Variants in DZIP1L observed in about 807,000 individuals in gnomAD.
The protein encoded by DZIP1L is cilium assembly protein DZIP1L.
DZIP1L carries 90 observed loss-of-function variants against 88.7 expected under a neutral mutation model. The observed-to-expected ratio is 1.02, with a 90% confidence interval of 0.86 to 1.21. The LOEUF is 1.21. Among genes scored for constraint, DZIP1L ranks in the 50% most tolerant of loss-of-function variants. The pLI is 0.00. For missense variants in DZIP1L, 932 were observed against 955.8 expected (o/e 0.98, Z 0.33); for synonymous variants, 363 against 372.1 (o/e 0.98, Z 0.28).
chr3:138,088,865 G>A (rs1944074052), intron 5 of DZIP1L: 1 of 991,468 alleles, frequency 1.0e-6, no homozygotes, highest in Non-Finnish European at 1.2e-6. Flanking sequence ...AGAGCCTATG[G>A]GAGGGTCTCA....
rs768328003 is a variant in DZIP1L at position 138,103,968 on chromosome 3, G to A, written c.4C>T (p.Gln2Ter). The change falls in exon 2 of 16, where the codon CAG (glutamine) becomes TAG (stop). Residue 2 changes from glutamine (Q) to a stop codon, truncating the protein, a stop_gained. Transcript: ENST00000327532. LOFTEE classifies it high-confidence loss of function. M[Q>*]SPAATAEGLS... is the part of the protein sequence containing the mutation. ...CCCTCAGCAGTGGCAGCTGGGGACT[G>A]CATGGGCAGAGGAAGCCCTGAGCTG... The A allele has an allele frequency of 2.1e-5, 33 of 1,609,382 alleles. No homozygotes were observed. Among genetic ancestry groups the A allele is most frequent in the African/African-American group, 2.7e-5 (2 of 74,904 alleles).
At chr3:138,108,039 A>G (rs1325224055) in intron 1 of DZIP1L, among the ~76,000 whole-genome samples, 3 of 152,216 alleles carry the variant, frequency 2.0e-5, no homozygotes, top group African/African-American at 7.2e-5. Context: ...GAAACAGTGC[A>G]GTGGCGCGAT....
chr3:138,086,051 G>A (rs1035325570), intron 7 of DZIP1L, among the ~76,000 whole-genome samples: 2 of 150,678 alleles, frequency 1.3e-5, no homozygotes, highest in Non-Finnish European at 3.0e-5. Context: ...GTTGGGAATT[G>A]AACAATGAGA....
chr3:138,074,169 A>G (rs2724704), intron 11 of DZIP1L, among the ~76,000 whole-genome samples: 100,798 of 152,014 alleles, frequency 0.66, 33,732 homozygotes, highest in Non-Finnish European at 0.7. Flanking sequence ...CCCCAGCCTT[A>G]CTAGAGACCT....
At chr3:138,108,819 G>A (rs2042564621) in intron 1 of DZIP1L, among the ~76,000 whole-genome samples, 1 of 152,196 alleles carries the variant, frequency 6.6e-6, no homozygotes, top group Non-Finnish European at 1.5e-5. Flanking sequence ...GTACATGTGT[G>A]ATGATAAATG....
chr3:138,084,061 G>T, intron 8 of DZIP1L, 52 bp downstream of exon 8: 1 of 1,593,634 alleles, frequency 6.3e-7, no homozygotes, highest in Non-Finnish European at 8.5e-7. Context: ...GATCCTCACA[G>T]GAAAGAGGCC....
At position 138,064,628 on chromosome 3, in the gene DZIP1L, C is replaced by T; in HGVS notation, c.2142G>A (p.Gln714=). ...AAACTCTAAGCATCCTACATCCTAC[C>T]TGAGGCTTCCTTCCTGGTGTGGCAG... ...QRAATPGRKP[Q]LSEDESDLEI... Residue 714 remains glutamine, a splice_region_variant and synonymous_variant, in exon 15 of 16, where the codon CAG becomes CAA. Transcript: ENST00000327532. 1.9e-6 allele frequency: 3 copies of T among 1,614,164 alleles called. No homozygotes were observed. The highest frequency in any genetic ancestry group is 1.7e-6 in the Non-Finnish European group (2 of 1,180,034).
intron 2 of DZIP1L, chr3:138,101,908 C>T (rs1335639108): frequency 1.4e-6 from 2 of 1,454,364 alleles, no homozygotes; most frequent in African/African-American, 1.4e-5. Flanking sequence ...GGCCAGCTCC[C>T]CACGTTGCTC....
At chr3:138,088,624 C>T in intron 5 of DZIP1L, 117 bp from the exon 6 acceptor site, 4 of 1,413,668 alleles carry the variant, frequency 2.8e-6, no homozygotes, top group Non-Finnish European at 3.7e-6. Context: ...CCAACTCATC[C>T]TCACTAGATA....
intron 3 of DZIP1L, among the ~76,000 whole-genome samples, chr3:138,096,750 A>G (rs1457432532): frequency 6.6e-6 from 1 of 152,228 alleles, no homozygotes; most frequent in African/African-American, 2.4e-5. Flanking sequence ...CACTAAATAC[A>G]TAGTTTTAGG....
At chr3:138,106,127 C>CTTTT (rs56146259) in intron 1 of DZIP1L, among the ~76,000 whole-genome samples, 1,178 of 64,598 alleles carry the variant, frequency 0.018, 5 homozygotes, top group Non-Finnish European at 0.025. Flanking sequence ...AGTCTTCTTT[C>CTTTT]TTTTTTTTTT....
intron 2 of DZIP1L, chr3:138,101,652 A>G (rs1019130849): frequency 1.6e-4 from 131 of 794,726 alleles, no homozygotes; most frequent in Middle Eastern, 6.8e-4. Context: ...TGAGGCCCCC[A>G]TAGGCCGAGC....
chr3:138,091,574 C>T (rs914371193), intron 5 of DZIP1L, among the ~76,000 whole-genome samples: 1 of 146,700 alleles, frequency 6.8e-6, no homozygotes, highest in Non-Finnish European at 1.5e-5. Flanking sequence ...GCCGACACCA[C>T]GCCACTGCAC....
intron 1 of DZIP1L, among the ~76,000 whole-genome samples, chr3:138,106,123 CTTTCT>C (rs2042476795): frequency 1.2e-5 from 1 of 83,170 alleles, no homozygotes; most frequent in Non-Finnish European, 2.4e-5. Context: ...ATTCAGTCTT[CTTTCT>C]TTTTTTTTTT....
At position 138,068,133 on chromosome 3, in the gene DZIP1L, G is replaced by A. The variant is rs942696415; in HGVS notation, c.1832+18C>T. ...CCACCACTGCAGGTGGGGTGAGAGG[G>A]CAGAGTCTGGGGCTCACCTCATCCC... On this transcript the variant is annotated intron_variant, in intron 13 of 15. Transcript: ENST00000327532. 2.0e-6 allele frequency: 3 copies of A among 1,468,976 alleles called. No homozygotes were observed. The African/African-American group carries it at 4.3e-5, about 21-fold the overall frequency. 91.0% of individuals were successfully genotyped at this position (1,468,976 alleles called of 1,614,324 possible).
chr3:138,079,277 T>A (rs1329548107), intron 10 of DZIP1L, among the ~76,000 whole-genome samples: 2 of 152,222 alleles, frequency 1.3e-5, no homozygotes, highest in Non-Finnish European at 2.9e-5. Context: ...TCATCCTATC[T>A]GAGTTACTCA....
chr3:138,093,647 C>T (rs1176647681), intron 4 of DZIP1L, among the ~76,000 whole-genome samples: 1 of 152,242 alleles, frequency 6.6e-6, no homozygotes, highest in Non-Finnish European at 1.5e-5. Context: ...AGATAACTTG[C>T]TGCAGCTTCT....
rs574635424 is a variant in DZIP1L at position 138,087,479 on chromosome 3, G to C, written c.1000-456C>G. 4.6e-5 allele frequency among the ~76,000 whole-genome samples: 7 copies of C among 152,220 alleles called. No homozygotes were observed. In the East Asian group the frequency reaches 1.2e-3, roughly 25 times the overall value. On this transcript the variant is annotated intron_variant, in intron 6 of 15. Transcript: ENST00000327532. ...CCAAACCATAATACACAAAATTGAA[G>C]GACCAACAGAATACTGGGGAAAATA...
At chr3:138,106,635 C>A (rs1273933702) in intron 1 of DZIP1L, among the ~76,000 whole-genome samples, 2 of 151,350 alleles carry the variant, frequency 1.3e-5, no homozygotes, top group Non-Finnish European at 2.9e-5. Flanking sequence ...AGATTGAGAC[C>A]ATCCTGGCCA....
Sources: gnomAD v4.1 joint callset for allele counts (sites outside exome capture counted in the v4.1 genomes callset) on GRCh38, gnomAD v4.1.1 for gene constraint, MANE v1.5 for transcripts, NCBI Gene and HGNC (gene_info 2026-07-23, HGNC 2026-07-21) for gene names.